ME2: variants seen among roughly 807,000 people sequenced by gnomAD.
ME2 encodes the protein malic enzyme 2.
ME2 carries 60 observed loss-of-function variants against 73.7 expected under a neutral mutation model. That is an observed-to-expected ratio of 0.81 (90% CI 0.66 to 1.01). The LOEUF (loss-of-function observed/expected upper bound fraction) is 1.01, where lower values mean the gene tolerates loss of function less well. Among genes scored for constraint, ME2 ranks in the 50% least tolerant of loss-of-function variants. ME2 has a pLI of 0.00. For missense variants in ME2, 594 were observed against 705.5 expected (o/e 0.84, Z 1.79); for synonymous variants, 199 against 236.9 (o/e 0.84, Z 1.47).
Position 50,895,921 on chromosome 18 carries a change from C to G in ME2, c.101C>G (p.Thr34Arg). The change falls in exon 2 of 16, where the codon ACA (threonine) becomes AGA (arginine). Residue 34 changes from threonine (T) to arginine (R), a missense_variant. By Grantham distance (71) the Thr-to-Arg change is moderately conservative. Coordinates refer to ENST00000321341, the MANE Select transcript of ME2 (RefSeq NM_002396.5). Reference sequence around the variant, plus strand: ...AAGCCACTTATGCTGAACCCAAGAACAAACAAGGTTAGTAACATTAATATC... The same window carrying G: ...AAGCCACTTATGCTGAACCCAAGAAGAAACAAGGTTAGTAACATTAATATC... ...KGKPLMLNPR[T>R]NKGMAFTLQE... The G allele has an allele frequency of 6.2e-7, 1 of 1,604,204 alleles. No individual in the cohort carries two copies. The highest frequency in any genetic ancestry group is 8.5e-7 in the Non-Finnish European group (1 of 1,171,218).
rs542641200 is a variant in ME2, at chr18:50,890,513, TA to T, written c.-12-5295del. Among the ~76,000 whole-genome samples the T allele has an allele frequency of 2.4e-3, 371 of 152,306 alleles. 1 individual carries two copies. Among genetic ancestry groups the T allele is most frequent in the African/African-American group, 8.6e-3 (358 of 41,560 alleles). On this transcript the variant is annotated intron_variant, in intron 1 of 15. Coordinates refer to ENST00000321341, the MANE Select transcript of ME2 (RefSeq NM_002396.5). ...CAACATAAGATTTCCGTAAATTTTT[TA>T]CAACTACTTACAAAATTATTTCAGG...
At chr18:50,919,288 T>C (rs945169993) in intron 7 of ME2, among the ~76,000 whole-genome samples, 5 of 152,194 alleles carry the variant, frequency 3.3e-5, no homozygotes, top group Non-Finnish European at 5.9e-5. Context: ...TGGTTTCCTA[T>C]TGCCATAGGA....
intron 13 of ME2, among the ~76,000 whole-genome samples, chr18:50,938,637 G>T (rs1010503544): frequency 4.6e-5 from 7 of 152,176 alleles, no homozygotes; most frequent in African/African-American, 1.7e-4. Context: ...AAAAGAGGGA[G>T]TAATAAACTA....
intron 7 of ME2, among the ~76,000 whole-genome samples, chr18:50,919,451 CCTT>C (rs1258724631): frequency 6.6e-6 from 1 of 152,110 alleles, no homozygotes; most frequent in Non-Finnish European, 1.5e-5. Flanking sequence ...TGCCATCTCT[CCTT>C]CTTCCTCTCA....
At chr18:50,929,501 A>C (rs1347021240) in intron 12 of ME2, among the ~76,000 whole-genome samples, 2 of 149,986 alleles carry the variant, frequency 1.3e-5, no homozygotes, top group Admixed American at 6.7e-5. Flanking sequence ...AAAAAAAAAA[A>C]CCAACAAAAA....
chr18:50,920,493 G>A lies in ME2; in HGVS notation c.772G>A (p.Gly258Arg). The change falls in exon 8 of 16, where the codon GGA (glycine) becomes AGA (arginine). Residue 258 changes from glycine (G) to arginine (R), a missense_variant. Transcript: ENST00000321341. ...RNTLIQFEDF[G>R]NHNAFRFLRK... Reference sequence around the variant, plus strand: ...CACACTCATTCAGTTCGAAGACTTTGGAAATCATAATGCATTCAGGTTCTT... The same window carrying A: ...CACACTCATTCAGTTCGAAGACTTTAGAAATCATAATGCATTCAGGTTCTT... 6.3e-7 allele frequency: 1 copy of A among 1,599,796 alleles called. No homozygotes were observed. The highest frequency in any genetic ancestry group is 8.5e-7 in the Non-Finnish European group (1 of 1,176,760).
intron 1 of ME2, among the ~76,000 whole-genome samples, chr18:50,880,963 G>C (rs938278416): frequency 1.3e-5 from 2 of 152,184 alleles, no homozygotes; most frequent in Non-Finnish European, 2.9e-5. Context: ...TTACAGCTAT[G>C]TATGTATAAT....
At chr18:50,889,463 C>T (rs1292791226) in intron 1 of ME2, among the ~76,000 whole-genome samples, 9 of 152,164 alleles carry the variant, frequency 5.9e-5, no homozygotes, top group Non-Finnish European at 1.0e-4. Context: ...CCCCTTGCCC[C>T]CAATGCCTTG....
In ME2 at chr18:50,952,074, G is replaced by A. The variant is rs548913473; in HGVS notation, c.*4890G>A. On this transcript the variant is annotated 3_prime_UTR_variant, in exon 16 of 16. Transcript: ENST00000321341. Reference sequence around the variant, plus strand: ...GTTTCCATCCAAGACAAGACCACACGTGTTCAGGTGCCATGTATTCATATA... The same window carrying A: ...GTTTCCATCCAAGACAAGACCACACATGTTCAGGTGCCATGTATTCATATA... 3.3e-5 allele frequency: 5 copies of A among 152,010 alleles called. No homozygotes were observed. Among genetic ancestry groups the A allele is most frequent in the African/African-American group, 7.3e-5 (3 of 41,378 alleles). The allele number at this position is 152,010 out of a possible 1,614,324, so 9.4% of individuals were successfully genotyped here.
intron 12 of ME2, among the ~76,000 whole-genome samples, chr18:50,928,534 G>T (rs1032084640): frequency 1.3e-5 from 2 of 152,082 alleles, no homozygotes; most frequent in Non-Finnish European, 2.9e-5. Flanking sequence ...CACTGCGCCC[G>T]GACTGTTTTT....
chr18:50,902,937 T>C (rs937654976), intron 2 of ME2, among the ~76,000 whole-genome samples: 1 of 152,190 alleles, frequency 6.6e-6, no homozygotes, highest in African/African-American at 2.4e-5. Flanking sequence ...CCCCCTAGCA[T>C]GTTTACCTGA....
At chr18:50,895,195 T>A (rs1398478636) in intron 1 of ME2, among the ~76,000 whole-genome samples, 1 of 152,114 alleles carries the variant, frequency 6.6e-6, no homozygotes, top group East Asian at 1.9e-4. Context: ...TTTAAAAATG[T>A]CCATGTTTAT....
chr18:50,947,006 T>A lies in ME2; in HGVS notation c.1588-11T>A. ...CTCAGAGCCTACACAATAACCTTACTTATTTTTCAGGTTACAGAATACCTA... is the reference window on the plus strand; with the variant it reads ...CTCAGAGCCTACACAATAACCTTACATATTTTTCAGGTTACAGAATACCTA... On this transcript the variant is annotated splice_polypyrimidine_tract_variant and intron_variant, in intron 15 of 15. Coordinates refer to ENST00000321341, the MANE Select transcript of ME2 (RefSeq NM_002396.5). The A allele has an allele frequency of 6.2e-7, 1 of 1,603,944 alleles. No individual in the cohort carries two copies. The highest frequency in any genetic ancestry group is 8.5e-7 in the Non-Finnish European group (1 of 1,171,134).
chr18:50,939,176 A>C (rs986986176), intron 13 of ME2: 7 of 153,860 alleles, frequency 4.5e-5, no homozygotes, highest in African/African-American at 1.7e-4. Context: ...AAAAAAAATC[A>C]CAAGAAACAT....
At chr18:50,923,018 T>A (rs1351619869) in intron 10 of ME2, among the ~76,000 whole-genome samples, 2 of 152,224 alleles carry the variant, frequency 1.3e-5, no homozygotes, top group African/African-American at 4.8e-5. Context: ...CTTAAATCTT[T>A]GAGAAATTCT....
intron 13 of ME2, among the ~76,000 whole-genome samples, chr18:50,937,176 CTAAAAG>C (rs1338734546): frequency 4.7e-5 from 7 of 150,450 alleles, no homozygotes; most frequent in South Asian, 2.1e-4. Context: ...AAAAAAAAAA[CTAAAAG>C]TAAAAGTAAA....
intron 15 of ME2, among the ~76,000 whole-genome samples, chr18:50,946,312 G>A (rs891933023): frequency 5.9e-5 from 9 of 152,110 alleles, no homozygotes; most frequent in African/African-American, 1.9e-4. Context: ...CACCTTTGGT[G>A]GGGAGTAGTC....
chr18:50,881,307 G>A (rs1385932681), intron 1 of ME2, among the ~76,000 whole-genome samples: 2 of 152,148 alleles, frequency 1.3e-5, no homozygotes, highest in South Asian at 2.1e-4. Flanking sequence ...AAAGTGCTGG[G>A]ATTACAGGAG....
chr18:50,939,442 C>T, intron 13 of ME2, 128 bp from the exon 14 acceptor site: 1 of 567,926 alleles, frequency 1.8e-6, no homozygotes, highest in Non-Finnish European at 3.2e-6. Context: ...TTCTTCTTGG[C>T]TGTTTTCTGT....
Sources: allele counts gnomAD v4.1 joint callset (sites outside exome capture counted in the v4.1 genomes callset), GRCh38; gene constraint gnomAD v4.1.1; transcripts MANE v1.5; gene names NCBI Gene and HGNC (gene_info 2026-07-23, HGNC 2026-07-21).